The following CALCRL variants were observed in gnomAD, a reference collection of about 807,000 sequenced individuals.
CALCRL encodes the protein calcitonin receptor like receptor, also known as calcitonin gene-related peptide type 1 receptor.
In CALCRL, 27 loss-of-function variants were observed where a neutral mutation model predicts 60.4. The ratio of observed to expected loss-of-function variants is 0.45; its 90% CI spans 0.33 to 0.62. CALCRL has a LOEUF of 0.62. Among genes scored for constraint, CALCRL ranks in the 20% least tolerant of loss-of-function variants. The probability of loss-of-function intolerance (pLI) is 0.03; values close to 1 mark genes in which losing one functional copy is unlikely to be tolerated. For missense variants in CALCRL, 424 were observed against 540.7 expected (o/e 0.78, Z 2.14); for synonymous variants, 190 against 182.6 (o/e 1.04, Z -0.33).
intron 8 of CALCRL, among the ~76,000 whole-genome samples, chr2:187,364,509 A>G (rs949804857): frequency 2.0e-5 from 3 of 152,036 alleles, no homozygotes; most frequent in East Asian, 1.9e-4. Flanking sequence ...GTCAACCTAT[A>G]TAATCCACCA....
intron 1 of CALCRL, among the ~76,000 whole-genome samples, chr2:187,405,960 G>GGTGTGTGTGTGTGT (rs3079520): frequency 6.8e-6 from 1 of 146,610 alleles, no homozygotes; most frequent in Non-Finnish European, 1.5e-5. Flanking sequence ...TGTATGTAGG[G>GGTGTGTGTGTGTGT]GTGTGTGTGT....
intron 1 of CALCRL, among the ~76,000 whole-genome samples, chr2:187,412,711 G>A (rs1689419985): frequency 6.6e-6 from 1 of 152,162 alleles, no homozygotes; most frequent in African/African-American, 2.4e-5. Context: ...AGTGTGAAGA[G>A]TGAGAGTTGA....
chr2:187,422,952 A>C (rs1423926553), intron 1 of CALCRL, among the ~76,000 whole-genome samples: 1 of 152,058 alleles, frequency 6.6e-6, no homozygotes, highest in Non-Finnish European at 1.5e-5. Context: ...CTACTAGAAG[A>C]TATAAATATA....
intron 1 of CALCRL, chr2:187,431,291 C>T (rs1690394320): frequency 6.5e-6 from 1 of 154,870 alleles, no homozygotes; most frequent in South Asian, 2.0e-4. Context: ...GTAATATATG[C>T]AATACCTGAA....
intron 12 of CALCRL, among the ~76,000 whole-genome samples, chr2:187,356,666 T>A (rs1686802374): frequency 6.6e-6 from 1 of 152,096 alleles, no homozygotes; most frequent in South Asian, 2.1e-4. Context: ...GGGATCTAAT[T>A]AAACTAAAGA....
rs187514179 is a variant in CALCRL at position 187,408,704 on chromosome 2, C to A, written c.-292-20948G>T. Among the ~76,000 whole-genome samples, 425 of 152,040 alleles carry A rather than the reference C, an allele frequency of 2.8e-3. 5 individuals are homozygous for A. Among genetic ancestry groups the A allele is most frequent in the African/African-American group, 9.7e-3 (402 of 41,488 alleles). On this transcript the variant is annotated intron_variant, in intron 1 of 14. Coordinates refer to ENST00000392370, the MANE Select transcript of CALCRL (RefSeq NM_005795.6). ...ATTGTAATTTATGTACAAATTCTCA[C>A]ATCTCAGAAAACCTACCAGGAAAAT...
chr2:187,430,983 A>G (rs1335838956), intron 1 of CALCRL, among the ~76,000 whole-genome samples: 1 of 152,098 alleles, frequency 6.6e-6, no homozygotes, highest in Non-Finnish European at 1.5e-5. Context: ...ATATTAATAA[A>G]TCTAATAGGA....
chr2:187,377,820 C>T (rs895796254), intron 8 of CALCRL, among the ~76,000 whole-genome samples: 1 of 151,600 alleles, frequency 6.6e-6, no homozygotes, highest in Non-Finnish European at 1.5e-5. Flanking sequence ...ATATAAAGTG[C>T]TAATGATAAA....
intron 1 of CALCRL, among the ~76,000 whole-genome samples, chr2:187,390,566 C>T (rs1288906851): frequency 6.6e-6 from 1 of 152,084 alleles, no homozygotes; most frequent in Admixed American, 6.6e-5. Flanking sequence ...GCTTCAAAAT[C>T]AGAGTTCCAA....
intron 9 of CALCRL, among the ~76,000 whole-genome samples, chr2:187,362,398 T>G (rs1447311818): frequency 1.3e-5 from 2 of 152,034 alleles, no homozygotes; most frequent in African/African-American, 2.4e-5. Flanking sequence ...TATACAAGAT[T>G]AAGCAATCTG....
intron 1 of CALCRL, among the ~76,000 whole-genome samples, chr2:187,418,420 A>G (rs1689711953): frequency 6.6e-6 from 1 of 152,198 alleles, no homozygotes; most frequent in African/African-American, 2.4e-5. Flanking sequence ...TTTTCTGTGT[A>G]CATTCCCATA....
At position 187,342,538 on chromosome 2, in the gene CALCRL, C is replaced by T. The variant is rs574214044; in HGVS notation, c.*3646G>A. Among the ~76,000 whole-genome samples the T allele has an allele frequency of 1.1e-3, 166 of 151,542 alleles. No individual in the cohort carries two copies. The highest frequency in any genetic ancestry group is 3.9e-3 in the African/African-American group (161 of 41,460). ...CAACAATAGGCCAAACCTTATTAAA[C>T]TAGCAATATTTTTAATCAAGAATAT... On this transcript the variant is annotated 3_prime_UTR_variant, in exon 15 of 15. Coordinates refer to ENST00000392370, the MANE Select transcript of CALCRL (RefSeq NM_005795.6).
chr2:187,427,863 A>C (rs1283793627), intron 1 of CALCRL, among the ~76,000 whole-genome samples: 1 of 152,182 alleles, frequency 6.6e-6, no homozygotes, highest in Non-Finnish European at 1.5e-5. Flanking sequence ...TATTGGGAGA[A>C]ATAAGTGACA....
At chr2:187,392,713 A>G (rs1688499260) in intron 1 of CALCRL, among the ~76,000 whole-genome samples, 1 of 151,898 alleles carries the variant, frequency 6.6e-6, no homozygotes, top group South Asian at 2.1e-4. Context: ...ATTATTTATT[A>G]TTATTTTTTT....
intron 1 of CALCRL, among the ~76,000 whole-genome samples, chr2:187,447,182 C>G (rs560262768): frequency 2.0e-5 from 3 of 152,096 alleles, no homozygotes; most frequent in African/African-American, 7.2e-5. Context: ...TTAATAAATA[C>G]TTTAATTTCT....
At chr2:187,439,387 G>C (rs1325747984) in intron 1 of CALCRL, among the ~76,000 whole-genome samples, 4 of 152,096 alleles carry the variant, frequency 2.6e-5, no homozygotes, top group Non-Finnish European at 4.4e-5. Flanking sequence ...CCAGGAGACA[G>C]AGATTGCAGT....
chr2:187,377,125 TATTA>T (rs923736840), intron 8 of CALCRL, among the ~76,000 whole-genome samples: 4 of 152,146 alleles, frequency 2.6e-5, no homozygotes, highest in Non-Finnish European at 5.9e-5. Flanking sequence ...TTTGATTTTA[TATTA>T]ATTACAATGG....
intron 8 of CALCRL, among the ~76,000 whole-genome samples, chr2:187,376,688 A>C (rs985755773): frequency 1.3e-5 from 2 of 152,106 alleles, no homozygotes; most frequent in African/African-American, 4.8e-5. Context: ...GCAGGACTTT[A>C]CTTATCTTTA....
rs1686214201 is a variant in CALCRL at position 187,344,839 on chromosome 2, CTA to C, written c.*1343_*1344del. 1 of 151,452 alleles carries C rather than the reference CTA, an allele frequency of 6.6e-6. No individual in the cohort carries two copies. The highest frequency in any genetic ancestry group is 6.6e-5 in the Admixed American group (1 of 15,150). The allele number at this position is 151,452 out of a possible 1,614,324, so 9.4% of individuals were successfully genotyped here. On this transcript the variant is annotated 3_prime_UTR_variant, in exon 15 of 15. Coordinates refer to ENST00000392370, the MANE Select transcript of CALCRL (RefSeq NM_005795.6). ...AAGTAATATTTTAATGGGGTAAAAT[CTA>C]TAAAAGTAGCAGATTGGTATTTATC...
Sources: gnomAD v4.1 joint callset for allele counts (sites outside exome capture counted in the v4.1 genomes callset) on GRCh38, gnomAD v4.1.1 for gene constraint, MANE v1.5 for transcripts, NCBI Gene and HGNC (gene_info 2026-07-23, HGNC 2026-07-21) for gene names.